Variants in CYTH3 observed in about 807,000 individuals in gnomAD.
CYTH3 encodes the protein cytohesin 3.
CYTH3 carries 23 observed loss-of-function variants against 55.1 expected under a neutral mutation model. That is an observed-to-expected ratio of 0.42 (90% CI 0.30 to 0.59). CYTH3 has a LOEUF of 0.59. Among genes scored for constraint, CYTH3 ranks in the 20% least tolerant of loss-of-function variants. The pLI, the probability that CYTH3 is intolerant of heterozygous loss-of-function variation, is 0.20. For missense variants in CYTH3, 413 were observed against 524.8 expected (o/e 0.79, Z 2.08); for synonymous variants, 249 against 194.9 (o/e 1.28, Z -2.31).
chr7:6,266,912 G>C (rs114718205), intron 1 of CYTH3, among the ~76,000 whole-genome samples: 2,799 of 152,278 alleles, frequency 0.018, 84 homozygotes, highest in African/African-American at 0.064. Flanking sequence ...ATACAGTTTG[G>C]ATATATGCCC....
chr7:6,244,142 G>C (rs1303002848), intron 1 of CYTH3, among the ~76,000 whole-genome samples: 1 of 152,136 alleles, frequency 6.6e-6, no homozygotes, highest in African/African-American at 2.4e-5. Flanking sequence ...GATGCATTTT[G>C]TCCTGTCAAA....
rs1237529948 is a variant in CYTH3, at chr7:6,164,487, A to G, written c.*457T>C. 1 of 157,038 alleles carries G rather than the reference A, an allele frequency of 6.4e-6. No individual in the cohort carries two copies. Among genetic ancestry groups the G allele is most frequent in the Non-Finnish European group, 1.4e-5 (1 of 71,348 alleles). 9.7% of individuals were successfully genotyped at this position (157,038 alleles called of 1,614,324 possible). The stretch of plus-strand genomic sequence containing the variant: ...TTCCTTTCCTGTTTTGCTATAAAAC[A>G]GTGGCTTTCTAGAACGGTTAATACT... On this transcript the variant is annotated 3_prime_UTR_variant, in exon 13 of 13. Coordinates refer to ENST00000350796, the MANE Select transcript of CYTH3 (RefSeq NM_004227.4).
At chr7:6,179,799 A>C (rs1583749735) in intron 4 of CYTH3, among the ~76,000 whole-genome samples, 5 of 98,068 alleles carry the variant, frequency 5.1e-5, no homozygotes, top group East Asian at 3.7e-4. Context: ...ACACACACCC[A>C]CCACACACAC....
intron 1 of CYTH3, among the ~76,000 whole-genome samples, chr7:6,222,952 T>C (rs550210957): frequency 1.3e-5 from 2 of 152,318 alleles, no homozygotes; most frequent in Non-Finnish European, 2.9e-5. Flanking sequence ...AATCAATCAA[T>C]AATTAATAAA....
At chr7:6,185,497 C>A (rs1291579480) in intron 4 of CYTH3, among the ~76,000 whole-genome samples, 3 of 151,976 alleles carry the variant, frequency 2.0e-5, no homozygotes, top group African/African-American at 4.8e-5. Flanking sequence ...GAGATCGAGA[C>A]CATCCTAGCT....
intron 1 of CYTH3, among the ~76,000 whole-genome samples, chr7:6,221,087 C>T (rs781091429): frequency 2.0e-5 from 3 of 152,004 alleles, no homozygotes; most frequent in Non-Finnish European, 2.9e-5. Context: ...TGTATGCCCA[C>T]ACAAAAACCT....
At chr7:6,211,060 A>ATGAC (rs766850030) in intron 1 of CYTH3, among the ~76,000 whole-genome samples, 6 of 152,220 alleles carry the variant, frequency 3.9e-5, no homozygotes, top group Non-Finnish European at 7.3e-5. Context: ...TAAAACACAT[A>ATGAC]TGACTTCCCG....
intron 1 of CYTH3, among the ~76,000 whole-genome samples, chr7:6,207,116 A>C (rs962665830): frequency 9.7e-6 from 1 of 102,920 alleles, no homozygotes; most frequent in African/African-American, 4.1e-5. Context: ...TTTTTTTGAG[A>C]CGGAGTCTCA....
intron 1 of CYTH3, among the ~76,000 whole-genome samples, chr7:6,208,315 CAT>C (rs1341319692): frequency 2.0e-5 from 3 of 152,184 alleles, no homozygotes; most frequent in Non-Finnish European, 4.4e-5. Context: ...CTTTTGGACT[CAT>C]ATATAAACAT....
rs746748197 is a variant in CYTH3 at position 6,170,493 on chromosome 7, G to T, written c.823+42C>A. 3.8e-6 allele frequency: 6 copies of T among 1,579,778 alleles called. No individual in the cohort carries two copies. Among genetic ancestry groups the T allele is most frequent in the Non-Finnish European group, 5.2e-6 (6 of 1,152,310 alleles). On this transcript the variant is annotated intron_variant, in intron 9 of 12. Coordinates refer to ENST00000350796, the MANE Select transcript of CYTH3 (RefSeq NM_004227.4). The surrounding 1 kb of genome is among the most constrained non-coding windows in gnomAD (Gnocchi z 7.8). ...GGAACCCGAGGGGCTGCTGCCATGG[G>T]CAGAGGGGTCACGCCCGGGTCCCGC...
intron 1 of CYTH3, among the ~76,000 whole-genome samples, chr7:6,193,739 C>T (rs537597531): frequency 6.6e-6 from 1 of 152,170 alleles, no homozygotes; most frequent in African/African-American, 2.4e-5. Flanking sequence ...TTCTCTCCCA[C>T]GCCACGGAAG....
chr7:6,272,408 T>TCGGGGGGGGGGGGCCCG, intron 1 of CYTH3, 66 bp downstream of exon 1: 1 of 1,207,034 alleles, frequency 8.3e-7, no homozygotes, highest in Non-Finnish European at 1.1e-6. Flanking sequence ...CGCCGCGCCC[T>TCGGGGGGGGGGGGCCCG]CGACCCCCAG....
chr7:6,206,876 G>C (rs1157885206), intron 1 of CYTH3, among the ~76,000 whole-genome samples: 1 of 152,078 alleles, frequency 6.6e-6, no homozygotes, highest in East Asian at 1.9e-4. Flanking sequence ...AATCCCAGCA[G>C]CGTTTTAAGG....
rs771398399 is a variant in CYTH3 at position 6,164,079 on chromosome 7, A to G, written c.*865T>C. ...TGTTATAATTTTAATGATTTGCTTA[A>G]AGTATTTGTGGGGCCAAAAAGCCTG... On this transcript the variant is annotated 3_prime_UTR_variant, in exon 13 of 13. Transcript: ENST00000350796. 4 of 152,288 alleles carry G rather than the reference A, an allele frequency of 2.6e-5. No individual in the cohort carries two copies. Among genetic ancestry groups the G allele is most frequent in the Middle Eastern group, 6.8e-3 (2 of 294 alleles). 9.4% of individuals were successfully genotyped at this position (152,288 alleles called of 1,614,324 possible).
In CYTH3 at chr7:6,247,706, C is replaced by T. The variant is rs377119992; in HGVS notation, c.34+24768G>A. Among the ~76,000 whole-genome samples, 7 of 152,114 alleles carry T rather than the reference C, an allele frequency of 4.6e-5. No individual in the cohort carries two copies. The East Asian group carries it at 7.7e-4, about 17-fold the overall frequency. On this transcript the variant is annotated intron_variant, in intron 1 of 12. Coordinates refer to ENST00000350796, the MANE Select transcript of CYTH3 (RefSeq NM_004227.4). The stretch of plus-strand genomic sequence containing the variant: ...TCGCCCAGGCTGGAGTGCAGTGCTA[C>T]AATCACAGCTCACTGCAGTCTTGAC...
Position 6,190,431 on chromosome 7 carries a change from T to TG in CYTH3, c.117+17_117+18insC. ...AAAACAGAGTTTTGGATTTTTGGTTTTTTTTTTTTTTTTTTACCTCAATGT... is the reference window on the plus strand; with the variant it reads ...AAAACAGAGTTTTGGATTTTTGGTTTGTTTTTTTTTTTTTTTACCTCAATGT... On this transcript the variant is annotated intron_variant, in intron 2 of 12. Transcript: ENST00000350796. 9.3e-7 allele frequency: 1 copy of TG among 1,079,584 alleles called. No homozygotes were observed. The highest frequency in any genetic ancestry group is 1.2e-6 in the Non-Finnish European group (1 of 818,450). 66.9% of individuals were successfully genotyped at this position (1,079,584 alleles called of 1,614,324 possible). A position where few individuals can be genotyped will look rare whatever the true frequency, so the allele number is the denominator to read the frequency against.
chr7:6,174,243 T>C (rs1218956344), intron 5 of CYTH3, among the ~76,000 whole-genome samples: 2 of 151,906 alleles, frequency 1.3e-5, no homozygotes, highest in Non-Finnish European at 2.9e-5. Flanking sequence ...GCCTCCTAAG[T>C]AGCTGGGATT....
intron 9 of CYTH3, among the ~76,000 whole-genome samples, chr7:6,166,059 G>C (rs1782994204): frequency 6.6e-6 from 1 of 152,216 alleles, no homozygotes; most frequent in Non-Finnish European, 1.5e-5. Context: ...TCGCTTCCTG[G>C]GAGAGTTAGT....
At chr7:6,269,924 T>C (rs780678732) in intron 1 of CYTH3, among the ~76,000 whole-genome samples, 5 of 152,254 alleles carry the variant, frequency 3.3e-5, no homozygotes, top group African/African-American at 7.2e-5. Flanking sequence ...ACTGTTTGAA[T>C]AGATTATTTA....
Sources: gnomAD v4.1 joint callset for allele counts (sites outside exome capture counted in the v4.1 genomes callset) on GRCh38, gnomAD v4.1.1 for gene constraint, Gnocchi (gnomAD v3.1) non-coding constraint, MANE v1.5 for transcripts, NCBI Gene and HGNC (gene_info 2026-07-23, HGNC 2026-07-21) for gene names.